The following CAMTA1 variants were observed in gnomAD, a reference collection of about 807,000 sequenced individuals.
CAMTA1 encodes the protein calmodulin binding transcription activator 1, also known as calmodulin-binding transcription activator 1.
In CAMTA1, 27 loss-of-function variants were observed where a neutral mutation model predicts 170.9. The ratio of observed to expected loss-of-function variants is 0.16; its 90% CI spans 0.12 to 0.22. The LOEUF (loss-of-function observed/expected upper bound fraction) is 0.22. CAMTA1 is among the 10% of genes least tolerant of loss of function. The pLI is 1.00. For missense variants in CAMTA1, 1,619 were observed against 2,217.2 expected, an observed-to-expected ratio of 0.73 and a Z score of 5.42; for synonymous variants, 833 against 891.5, an observed-to-expected ratio of 0.93 and a Z score of 1.17.
intron 3 of CAMTA1, among the ~76,000 whole-genome samples, chr1:7,053,291 G>T (rs1446745636): frequency 2.6e-5 from 4 of 152,152 alleles, no homozygotes; most frequent in Non-Finnish European, 4.4e-5. Context: ...CTTCCCTCCA[G>T]TTCTGTTTCT....
At chr1:7,153,679 T>G (rs1646705699) in intron 4 of CAMTA1, among the ~76,000 whole-genome samples, 1 of 151,998 alleles carries the variant, frequency 6.6e-6, no homozygotes, top group Non-Finnish European at 1.5e-5. Context: ...AGACAGCCAG[T>G]GGGAGGTGAT....
rs1173638550 is a variant in CAMTA1, at chr1:6,971,979, A to C, written c.235-119325A>C. Among the ~76,000 whole-genome samples, 1 of 152,110 alleles carries C rather than the reference A, an allele frequency of 6.6e-6. No individual in the cohort carries two copies. The highest frequency in any genetic ancestry group is 2.4e-5 in the African/African-American group (1 of 41,402). On this transcript the variant is annotated intron_variant, in intron 3 of 22. Coordinates refer to ENST00000303635, the MANE Select transcript of CAMTA1 (RefSeq NM_015215.4). The surrounding 1 kb of genome is among the most constrained non-coding windows in gnomAD (Gnocchi z 4.6). ...GTTCTGGACAGGCCGTGAGCAGGAG[A>C]CTGATCGTCTTGATGAGGTGTGCAG...
rs1427598903 is a variant in CAMTA1 at position 6,927,770 on chromosome 1, AAAT to A, written c.234+102561_234+102563del. The stretch of plus-strand genomic sequence containing the variant: ...GTTAAGTATTGCTTGTTTCCCACAA[AAAT>A]GTAAATATTCCTGCAGGTCTCCTGT... On this transcript the variant is annotated intron_variant, in intron 3 of 22. Coordinates refer to ENST00000303635, the MANE Select transcript of CAMTA1 (RefSeq NM_015215.4). Among the ~76,000 whole-genome samples the A allele has an allele frequency of 5.3e-5, 8 of 152,354 alleles. No individual in the cohort carries two copies. The East Asian group carries it at 1.5e-3, about 29-fold the overall frequency.
chr1:6,974,057 G>A (rs892882032), intron 3 of CAMTA1, among the ~76,000 whole-genome samples: 2 of 152,180 alleles, frequency 1.3e-5, no homozygotes, highest in African/African-American at 4.8e-5. Flanking sequence ...GGCCCAGAAT[G>A]GCATTTGTCT....
rs56382342 is a variant in CAMTA1, at chr1:7,323,507, C to CTTTTTTT, written c.438+73900_438+73906dup. On this transcript the variant is annotated intron_variant, in intron 5 of 22. Transcript: ENST00000303635. ...GGATGATTCTATTTCCTTTATTCTT[C>CTTTTTTT]TTTTTTTTTTTTTTTTTTTTTTTTT... Among the ~76,000 whole-genome samples the CTTTTTTT allele has an allele frequency of 9.8e-3, 1,070 of 108,806 alleles. 1 individual carries two copies. Among genetic ancestry groups the CTTTTTTT allele is most frequent in the East Asian group, 0.012 (43 of 3,502 alleles). 71.4% of individuals were successfully genotyped at this position (108,806 alleles called of 152,430 possible). A position where few individuals can be genotyped will look rare whatever the true frequency, so the allele number is the denominator to read the frequency against.
chr1:7,629,378 C>G (rs2095653775), intron 6 of CAMTA1, among the ~76,000 whole-genome samples: 2 of 152,198 alleles, frequency 1.3e-5, no homozygotes, highest in African/African-American at 4.8e-5. Context: ...TGCACAACTC[C>G]TTATGGATCA....
intron 3 of CAMTA1, among the ~76,000 whole-genome samples, chr1:6,900,136 G>A (rs6691442): frequency 0.52 from 79,150 of 152,004 alleles, 20,700 homozygotes; most frequent in African/African-American, 0.54. Context: ...AAATATCCAG[G>A]TGATAGAGCC....
intron 11 of CAMTA1, chr1:7,701,105 G>C (rs1477847441): frequency 6.6e-6 from 1 of 152,222 alleles, no homozygotes; most frequent in African/African-American, 2.4e-5. Flanking sequence ...AATGGTAAGA[G>C]TTTTTAGGTG....
intron 5 of CAMTA1, among the ~76,000 whole-genome samples, chr1:7,292,665 C>G (rs1673319976): frequency 6.6e-6 from 1 of 152,168 alleles, no homozygotes; most frequent in Non-Finnish European, 1.5e-5. Flanking sequence ...TTGAATTCCT[C>G]CTTTGAAAAT....
intron 3 of CAMTA1, among the ~76,000 whole-genome samples, chr1:7,048,485 G>A (rs566616654): frequency 9.4e-4 from 143 of 152,332 alleles, no homozygotes; most frequent in Non-Finnish European, 1.7e-3. Context: ...AGAGGGGAGC[G>A]TCTGCTGTTG....
At chr1:6,831,409 A>G (rs1650100825) in intron 3 of CAMTA1, among the ~76,000 whole-genome samples, 1 of 152,222 alleles carries the variant, frequency 6.6e-6, no homozygotes, top group Non-Finnish European at 1.5e-5. Context: ...TGCTAACACA[A>G]CTGTCTGAAT....
At chr1:6,858,756 T>C (rs1663469399) in intron 3 of CAMTA1, among the ~76,000 whole-genome samples, 2 of 152,152 alleles carry the variant, frequency 1.3e-5, no homozygotes, top group African/African-American at 4.8e-5. Context: ...TGCTGAGTCT[T>C]ATGCTTTTAT....
rs146562944 is a variant in CAMTA1 at position 7,544,236 on chromosome 1, C to T, written c.510+76335C>T. Among the ~76,000 whole-genome samples the T allele has an allele frequency of 8.2e-3, 1,252 of 152,288 alleles. 18 individuals are homozygous for T. The highest frequency in any genetic ancestry group is 0.029 in the African/African-American group (1,191 of 41,558). ...GAGAAAAATGAAGAAGATGCAAAAG[C>T]AGAAACCCCTGATAAACCTATCAGA... On this transcript the variant is annotated intron_variant, in intron 6 of 22. Coordinates refer to ENST00000303635, the MANE Select transcript of CAMTA1 (RefSeq NM_015215.4).
intron 3 of CAMTA1, among the ~76,000 whole-genome samples, chr1:6,870,926 T>G (rs1432137248): frequency 1.3e-5 from 2 of 152,226 alleles, no homozygotes; most frequent in Admixed American, 6.5e-5. Flanking sequence ...AATTATTTAG[T>G]ATAACCATTA....
chr1:7,310,672 C>CTTT (rs1557491276), intron 5 of CAMTA1, among the ~76,000 whole-genome samples: 2 of 23,690 alleles, frequency 8.4e-5, no homozygotes, highest in Admixed American at 5.7e-4. Flanking sequence ...TCTTTCTTTC[C>CTTT]TTTCTTTCTC....
chr1:7,260,047 C>CGA, intron 5 of CAMTA1, among the ~76,000 whole-genome samples: 1 of 152,300 alleles, frequency 6.6e-6, no homozygotes, highest in East Asian at 1.9e-4. Context: ...TTCAGTTTTG[C>CGA]GAGCCAGACT....
At chr1:7,351,375 G>A (rs929836558) in intron 5 of CAMTA1, among the ~76,000 whole-genome samples, 2 of 152,218 alleles carry the variant, frequency 1.3e-5, no homozygotes, top group South Asian at 2.1e-4. Flanking sequence ...CTCCTGAGCC[G>A]GCCCACATGC....
In CAMTA1 at chr1:7,234,352, CCA is replaced by C. The variant is rs1663409775; in HGVS notation, c.303-15137_303-15136del. ...GGAGAGGCCTCTTGGCTGCCCATTG[CCA>C]CCCACTCACAGCTGTTCTCAAACCC... On this transcript the variant is annotated intron_variant, in intron 4 of 22. Coordinates refer to ENST00000303635, the MANE Select transcript of CAMTA1 (RefSeq NM_015215.4). This position sits in a 1 kb window ranked among gnomAD's most constrained non-coding sequence, Gnocchi z 5.0. Among the ~76,000 whole-genome samples the C allele has an allele frequency of 6.6e-6, 1 of 152,282 alleles. No individual in the cohort carries two copies. Among genetic ancestry groups the C allele is most frequent in the Non-Finnish European group, 1.5e-5 (1 of 68,038 alleles).
chr1:7,626,035 C>G (rs2095631151), intron 6 of CAMTA1, among the ~76,000 whole-genome samples: 1 of 152,152 alleles, frequency 6.6e-6, no homozygotes, highest in Non-Finnish European at 1.5e-5. Context: ...TTTGTTAACC[C>G]CCAGTCACTC....
Sources: allele counts gnomAD v4.1 joint callset (sites outside exome capture counted in the v4.1 genomes callset), GRCh38; gene constraint gnomAD v4.1.1; non-coding constraint Gnocchi (gnomAD v3.1); transcripts MANE v1.5; gene names NCBI Gene and HGNC (gene_info 2026-07-23, HGNC 2026-07-21).